PTPRN2: variants seen among roughly 807,000 people sequenced by gnomAD.
The protein encoded by PTPRN2 is protein tyrosine phosphatase receptor type N2.
Under a neutral mutation model 118.8 loss-of-function variants are expected in PTPRN2, and 74 were observed. That is an observed-to-expected ratio of 0.62 (90% CI 0.52 to 0.76). The LOEUF (loss-of-function observed/expected upper bound fraction) is 0.76. Among genes scored for constraint, PTPRN2 ranks in the 30% least tolerant of loss-of-function variants. PTPRN2 has a pLI of 0.00. For missense variants in PTPRN2, 1,481 were observed against 1,394.4 expected (o/e 1.06, Z -0.99); for synonymous variants, 641 against 608.0 (o/e 1.05, Z -0.80).
intron 12 of PTPRN2, among the ~76,000 whole-genome samples, chr7:157,737,782 G>C (rs889209309): frequency 2.0e-5 from 3 of 152,254 alleles, no homozygotes; most frequent in Admixed American, 2.0e-4. Flanking sequence ...AGGCCACAAG[G>C]CCGGCTTAGA....
intron 3 of PTPRN2, among the ~76,000 whole-genome samples, chr7:158,245,495 C>T (rs1357359026): frequency 6.6e-6 from 1 of 151,604 alleles, no homozygotes; most frequent in Non-Finnish European, 1.5e-5. Context: ...AGCGCATGGG[C>T]CGCCCTGGCC....
chr7:157,915,715 G>A (rs939304940), intron 11 of PTPRN2, among the ~76,000 whole-genome samples: 3 of 152,146 alleles, frequency 2.0e-5, no homozygotes, highest in Non-Finnish European at 4.4e-5. Flanking sequence ...AAGATTCTCA[G>A]AATAAAGGCC....
chr7:158,514,961 C>T (rs1823425461), intron 1 of PTPRN2, among the ~76,000 whole-genome samples: 1 of 152,184 alleles, frequency 6.6e-6, no homozygotes, highest in Non-Finnish European at 1.5e-5. Context: ...GAAAGAAAAT[C>T]ATCTGAAGAA....
chr7:158,407,142 T>A (rs377079593), intron 2 of PTPRN2, among the ~76,000 whole-genome samples: 3 of 113,374 alleles, frequency 2.6e-5, no homozygotes, highest in East Asian at 3.3e-4. Context: ...TCCTGCGTCC[T>A]GCGTCCTGGG....
chr7:158,565,226 A>G lies in PTPRN2; in HGVS notation c.112+22332T>C, dbSNP rs1260366453. 2.0e-5 allele frequency among the ~76,000 whole-genome samples: 3 copies of G among 152,218 alleles called. No individual in the cohort carries two copies. Among genetic ancestry groups the G allele is most frequent in the Admixed American group, 6.5e-5 (1 of 15,290 alleles). ...GCCGTATTTGACTTTTAGAGCTGCA[A>G]TCTATACAGGCATATTTGTGGCTAC... On this transcript the variant is annotated intron_variant, in intron 1 of 22. Transcript: ENST00000389418. This position sits in a 1 kb window ranked among gnomAD's most constrained non-coding sequence, Gnocchi z 4.6.
At chr7:157,664,005 C>T (rs555728185) in intron 13 of PTPRN2, among the ~76,000 whole-genome samples, 2 of 152,176 alleles carry the variant, frequency 1.3e-5, no homozygotes, top group Non-Finnish European at 2.9e-5. Context: ...GACATTTCCA[C>T]CCTGCATGAG....
chr7:157,722,599 T>C (rs1799302721), intron 12 of PTPRN2, among the ~76,000 whole-genome samples: 2 of 152,192 alleles, frequency 1.3e-5, no homozygotes, highest in Non-Finnish European at 1.5e-5. Context: ...AAGCAACTCC[T>C]GCGTGGCCCG....
intron 1 of PTPRN2, among the ~76,000 whole-genome samples, chr7:158,538,026 T>G (rs1825749192): frequency 6.6e-6 from 1 of 152,228 alleles, no homozygotes; most frequent in African/African-American, 2.4e-5. Flanking sequence ...CATTACTCAT[T>G]TCTTCTAGAT....
In PTPRN2 at chr7:157,986,770, G is replaced by C. The variant is rs544517851; in HGVS notation, c.1724-88033C>G. On this transcript the variant is annotated intron_variant, in intron 11 of 22. Transcript: ENST00000389418. The surrounding 1 kb of genome is among the most constrained non-coding windows in gnomAD (Gnocchi z 4.5). ...AAACCCAAGGACCATCCAGTTGGCA[G>C]GACTGGAAGTAACTGGGCAGAGGAG... 1.3e-5 allele frequency among the ~76,000 whole-genome samples: 2 copies of C among 152,296 alleles called. No homozygotes were observed. The highest frequency in any genetic ancestry group is 3.9e-4 in the East Asian group (2 of 5,182).
intron 1 of PTPRN2, among the ~76,000 whole-genome samples, chr7:158,540,677 G>A (rs1035810542): frequency 6.6e-6 from 1 of 152,308 alleles, no homozygotes; most frequent in Non-Finnish European, 1.5e-5. Flanking sequence ...GGGTGGGGTC[G>A]CCCCAGGGCC....
At chr7:158,007,793 GGTGGGTGTGC>G (rs1805737426) in intron 11 of PTPRN2, among the ~76,000 whole-genome samples, 1 of 146,756 alleles carries the variant, frequency 6.8e-6, no homozygotes, top group Non-Finnish European at 1.5e-5. Context: ...GCTGTGTGTG[GGTGGGTGTGC>G]TGTATGTGTG....
chr7:158,583,807 C>A (rs1828770777), intron 1 of PTPRN2, among the ~76,000 whole-genome samples: 1 of 152,182 alleles, frequency 6.6e-6, no homozygotes, highest in African/African-American at 2.4e-5. Flanking sequence ...CAGAGAAGCT[C>A]ACAGATGTGC....
At chr7:158,527,314 G>T (rs1824862295) in intron 1 of PTPRN2, among the ~76,000 whole-genome samples, 1 of 150,876 alleles carries the variant, frequency 6.6e-6, no homozygotes, top group African/African-American at 2.5e-5. Flanking sequence ...CCCGCCACCG[G>T]AGCCACTTCA....
At chr7:158,301,548 C>T (rs553724116) in intron 3 of PTPRN2, among the ~76,000 whole-genome samples, 5 of 152,134 alleles carry the variant, frequency 3.3e-5, no homozygotes, top group Non-Finnish European at 7.3e-5. Context: ...GTTATGTGAA[C>T]CTTCAACATC....
rs546259393 is a variant in PTPRN2, at chr7:158,520,957, C to T, written c.113-31172G>A. On this transcript the variant is annotated intron_variant, in intron 1 of 22. Transcript: ENST00000389418. The stretch of plus-strand genomic sequence containing the variant: ...ACCCTGCAGGCCATGAGGGCCTGGC[C>T]GAGATCTCAGCCAGCCAAGGAACAG... Among the ~76,000 whole-genome samples the T allele has an allele frequency of 1.8e-4, 28 of 152,204 alleles. No homozygotes were observed. In the East Asian group the frequency reaches 1.9e-3, roughly 10 times the overall value.
At chr7:158,104,616 A>G (rs1241440781) in intron 10 of PTPRN2, among the ~76,000 whole-genome samples, 2 of 152,104 alleles carry the variant, frequency 1.3e-5, no homozygotes, top group Non-Finnish European at 2.9e-5. Flanking sequence ...ACCACCCATG[A>G]TCACAACCAT....
chr7:158,196,552 C>T (rs1207395261), intron 4 of PTPRN2, among the ~76,000 whole-genome samples: 1 of 144,282 alleles, frequency 6.9e-6, no homozygotes, highest in South Asian at 2.2e-4. Context: ...AACCTCTCCT[C>T]GGCCAAACCC....
intron 11 of PTPRN2, among the ~76,000 whole-genome samples, chr7:158,051,187 G>A (rs1371503143): frequency 6.6e-6 from 1 of 152,224 alleles, no homozygotes; most frequent in African/African-American, 2.4e-5. Flanking sequence ...GCACAGAGCA[G>A]TGTCAGCCAG....
At chr7:158,137,258 A>G (rs1818909339) in intron 7 of PTPRN2, among the ~76,000 whole-genome samples, 1 of 152,126 alleles carries the variant, frequency 6.6e-6, no homozygotes, top group South Asian at 2.1e-4. Flanking sequence ...TCTACTAAAA[A>G]TACAAAAAAT....
Sources: allele counts gnomAD v4.1 joint callset (sites outside exome capture counted in the v4.1 genomes callset), GRCh38; gene constraint gnomAD v4.1.1; non-coding constraint Gnocchi (gnomAD v3.1); transcripts MANE v1.5; gene names NCBI Gene and HGNC (gene_info 2026-07-23, HGNC 2026-07-21).